ZNF644: variants seen among roughly 807,000 people sequenced by gnomAD.
ZNF644 encodes zinc finger protein 644, also known as zinc finger motif enhancer binding protein 2.
ZNF644 carries 20 observed loss-of-function variants against 108.0 expected under a neutral mutation model. The ratio of observed to expected loss-of-function variants is 0.19; its 90% confidence interval spans 0.13 to 0.27. The LOEUF (loss-of-function observed/expected upper bound fraction) is 0.27. Among genes scored for constraint, ZNF644 ranks in the 10% least tolerant of loss-of-function variants. The probability of loss-of-function intolerance (pLI) is 1.00; values close to 1 mark genes in which losing one functional copy is unlikely to be tolerated. For synonymous variants in ZNF644, 542 were observed against 539.1 expected (o/e 1.01, Z -0.08); for missense variants, 1,338 against 1,548.9 (o/e 0.86, Z 2.29).
At chr1:90,977,299 T>C (rs1260560630) in intron 2 of ZNF644, among the ~76,000 whole-genome samples, 2 of 152,086 alleles carry the variant, frequency 1.3e-5, no homozygotes, top group African/African-American at 4.8e-5. Flanking sequence ...TAAAGAAATT[T>C]ACCATAAGGA....
chr1:90,948,156 A>G (rs1293987969), intron 2 of ZNF644, among the ~76,000 whole-genome samples: 2 of 152,216 alleles, frequency 1.3e-5, no homozygotes, highest in Non-Finnish European at 1.5e-5. Flanking sequence ...TTATCAAGAC[A>G]TAAAGAAATA....
At chr1:91,005,692 T>C (rs946181220) in intron 1 of ZNF644, among the ~76,000 whole-genome samples, 27 of 151,964 alleles carry the variant, frequency 1.8e-4, no homozygotes, top group African/African-American at 5.8e-4. Flanking sequence ...GCCAAAGAAA[T>C]TGCATTGCAA....
At chr1:90,937,413 AG>A (rs1476606163) in intron 4 of ZNF644, 71 bp downstream of exon 4, 1 of 1,599,320 alleles carries the variant, frequency 6.3e-7, no homozygotes, top group African/African-American at 1.3e-5. Flanking sequence ...TTTTCCACAT[AG>A]ATTCCATTAA....
At chr1:90,987,956 T>C (rs1350671027) in intron 1 of ZNF644, among the ~76,000 whole-genome samples, 1 of 152,090 alleles carries the variant, frequency 6.6e-6, no homozygotes, top group African/African-American at 2.4e-5. Context: ...AACATCACAC[T>C]CAACCGTGAA....
chr1:90,985,414 C>T (rs1189064390), intron 1 of ZNF644, among the ~76,000 whole-genome samples: 2 of 152,126 alleles, frequency 1.3e-5, no homozygotes, highest in Non-Finnish European at 2.9e-5. Context: ...CTTATTCCTC[C>T]TGAATAAAAC....
intron 4 of ZNF644, among the ~76,000 whole-genome samples, chr1:90,932,930 G>A (rs899234483): frequency 2.0e-5 from 3 of 152,068 alleles, no homozygotes; most frequent in Non-Finnish European, 4.4e-5. Flanking sequence ...CCAAACACAC[G>A]CTTTCTATTT....
chr1:90,984,904 A>G (rs1410878762), intron 1 of ZNF644, among the ~76,000 whole-genome samples: 1 of 152,178 alleles, frequency 6.6e-6, no homozygotes, highest in African/African-American at 2.4e-5. Flanking sequence ...ATATTTTTTA[A>G]AACTATATAT....
At chr1:90,987,178 G>A (rs1036503324) in intron 1 of ZNF644, among the ~76,000 whole-genome samples, 1 of 147,754 alleles carries the variant, frequency 6.8e-6, no homozygotes, top group African/African-American at 2.5e-5. Context: ...ATACATATTA[G>A]GGCAGAGATC....
chr1:90,982,185 T>C (rs1656616424), intron 2 of ZNF644, 125 bp downstream of exon 2: 3 of 743,436 alleles, frequency 4.0e-6, no homozygotes, highest in Middle Eastern at 7.6e-4. Flanking sequence ...AGTCAATTAT[T>C]TGCATTTCAA....
chr1:90,958,252 A>G (rs1653959032), intron 2 of ZNF644, among the ~76,000 whole-genome samples: 1 of 150,788 alleles, frequency 6.6e-6, no homozygotes, highest in Admixed American at 6.6e-5. Flanking sequence ...AAAAAAAAAA[A>G]AAAAAGAATA....
At chr1:90,920,236 C>A (rs1649281483) in intron 4 of ZNF644, among the ~76,000 whole-genome samples, 1 of 151,948 alleles carries the variant, frequency 6.6e-6, no homozygotes, top group Non-Finnish European at 1.5e-5. Flanking sequence ...TAGAATCTTA[C>A]TTTGATGAGC....
At chr1:90,946,633 ATTG>A (rs1236820240) in intron 2 of ZNF644, among the ~76,000 whole-genome samples, 1 of 152,152 alleles carries the variant, frequency 6.6e-6, no homozygotes, top group Non-Finnish European at 1.5e-5. Flanking sequence ...CAATAAATTG[ATTG>A]TTGAACAATG....
At chr1:90,989,661 G>A (rs570593561) in intron 1 of ZNF644, among the ~76,000 whole-genome samples, 1 of 152,288 alleles carries the variant, frequency 6.6e-6, no homozygotes, top group East Asian at 1.9e-4. Context: ...AAAAACCCAG[G>A]AAATAACAAG....
chr1:90,920,873 T>A (rs1409998898), intron 4 of ZNF644, among the ~76,000 whole-genome samples: 1 of 152,110 alleles, frequency 6.6e-6, no homozygotes, highest in African/African-American at 2.4e-5. Flanking sequence ...TGTTTTAATA[T>A]CTTCATCAAT....
At chr1:90,976,520 T>C (rs1323680333) in intron 2 of ZNF644, among the ~76,000 whole-genome samples, 1 of 152,194 alleles carries the variant, frequency 6.6e-6, no homozygotes, top group East Asian at 1.9e-4. Context: ...GAAGGAGCAG[T>C]TTTATGGTTT....
intron 2 of ZNF644, among the ~76,000 whole-genome samples, chr1:90,970,630 G>T (rs574289546): frequency 6.6e-6 from 1 of 152,206 alleles, no homozygotes; most frequent in South Asian, 2.1e-4. Context: ...CTTTGACATT[G>T]TAAAGTGCAG....
intron 2 of ZNF644, among the ~76,000 whole-genome samples, chr1:90,959,584 T>C (rs1400962470): frequency 6.6e-6 from 1 of 152,128 alleles, no homozygotes; most frequent in African/African-American, 2.4e-5. Flanking sequence ...AAGCACATGC[T>C]ACAACTTGCC....
rs544747119 is a variant in ZNF644 at position 91,009,323 on chromosome 1, TA to T, written c.-18+12666del. Reference sequence around the variant, plus strand: ...AGCTTCTGTTCTATTTCCTAACTCTTAAAAAAAAAGAGGATTTAAAAAACTG... The same window carrying T: ...AGCTTCTGTTCTATTTCCTAACTCTTAAAAAAAAGAGGATTTAAAAAACTG... On this transcript the variant is annotated intron_variant, in intron 1 of 5. Transcript: ENST00000337393. Among the ~76,000 whole-genome samples the T allele has an allele frequency of 7.3e-5, 11 of 150,658 alleles. 1 individual carries two copies. The highest frequency in any genetic ancestry group is 2.1e-4 in the South Asian group (1 of 4,772).
chr1:90,920,979 C>A (rs557165256), intron 4 of ZNF644, among the ~76,000 whole-genome samples: 7 of 152,128 alleles, frequency 4.6e-5, no homozygotes, highest in African/African-American at 1.7e-4. Flanking sequence ...TCCAAACCCA[C>A]TCCTGTGATA....
Sources: allele counts gnomAD v4.1 joint callset (sites outside exome capture counted in the v4.1 genomes callset), GRCh38; gene constraint gnomAD v4.1.1; transcripts MANE v1.5; gene names NCBI Gene and HGNC (gene_info 2026-07-23, HGNC 2026-07-21).